TUBE1: variants seen among roughly 807,000 people sequenced by gnomAD.
TUBE1 encodes tubulin epsilon chain.
In TUBE1, 34 loss-of-function variants were observed where a neutral mutation model predicts 53.5. The observed-to-expected ratio is 0.64, with a 90% CI of 0.48 to 0.85. The LOEUF (loss-of-function observed/expected upper bound fraction) is 0.85, where lower values mean the gene tolerates loss of function less well. Among genes scored for constraint, TUBE1 ranks in the 40% least tolerant of loss-of-function variants. The pLI, the probability that TUBE1 is intolerant of heterozygous loss-of-function variation, is 0.00. For missense variants in TUBE1, 532 were observed against 570.5 expected, an observed-to-expected ratio of 0.93 and a Z score of 0.69; for synonymous variants, 177 against 198.4, an observed-to-expected ratio of 0.89 and a Z score of 0.91.
At chr6:112,073,788 T>C (rs587645099) in intron 9 of TUBE1, among the ~76,000 whole-genome samples, 23 of 152,360 alleles carry the variant, frequency 1.5e-4, no homozygotes, top group African/African-American at 5.5e-4. Context: ...CAATCTGTTT[T>C]AGAGACAGGG....
chr6:112,086,685 A>G (rs782002051), intron 2 of TUBE1, 77 bp from the exon 3 acceptor site: 8 of 943,566 alleles, frequency 8.5e-6, no homozygotes, highest in Non-Finnish European at 1.3e-5. Flanking sequence ...TTTTAATTAC[A>G]TAATACTGTA....
In TUBE1 at chr6:112,087,265, G is replaced by A. The variant is rs55683527; in HGVS notation, c.67C>T (p.Leu23=). Residue 23 remains leucine (L), a synonymous_variant, in exon 2 of 12, where the codon CTG becomes TTG. Transcript: ENST00000368662. ...ACCGCGGCGTGCTCCCTTAGTGCCA[G>A]GTCCCAGAAGCAGCAGCCGATCTGG... The part of the protein sequence containing the change: ...GNQIGCCFWD[L]ALREHAAVNQ... 35 of 1,551,792 alleles carry A rather than the reference G, an allele frequency of 2.3e-5. No homozygotes were observed. Among genetic ancestry groups the A allele is most frequent in the Admixed American group, 5.9e-5 (3 of 51,066 alleles).
At chr6:112,083,776 G>C (rs1014972345) in intron 4 of TUBE1, 2 of 158,314 alleles carry the variant, frequency 1.3e-5, no homozygotes, top group Non-Finnish European at 2.8e-5. Flanking sequence ...GAAGTACTTG[G>C]TTCAGGAGAA....
In TUBE1 at chr6:112,086,579, G is replaced by A. The variant is rs1777160771; in HGVS notation, c.129C>T (p.Ser43=). ...ACCTGGTGTCCACATTTCTAAAGAAGCTGCTTATTGCCTCATCATAAATTC... is the reference window on the plus strand; with the variant it reads ...ACCTGGTGTCCACATTTCTAAAGAAACTGCTTATTGCCTCATCATAAATTC... ...QKGIYDEAIS[S]FFRNVDTRVV... The change falls in exon 3 of 12, where the codon AGC becomes AGT. Residue 43 remains serine, a synonymous_variant. Transcript: ENST00000368662. The A allele has an allele frequency of 1.2e-6, 2 of 1,612,178 alleles. No individual in the cohort carries two copies. Among genetic ancestry groups the A allele is most frequent in the Non-Finnish European group, 1.7e-6 (2 of 1,178,500 alleles).
chr6:112,072,683 C>T (rs587626745), intron 10 of TUBE1, 75 bp downstream of exon 10: 11 of 1,476,518 alleles, frequency 7.4e-6, no homozygotes, highest in South Asian at 5.3e-5. Flanking sequence ...ATTTGAAGGG[C>T]GGCTGTTAAC....
chr6:112,074,657 GTTT>G, intron 9 of TUBE1, 50 bp downstream of exon 9: 2 of 1,340,248 alleles, frequency 1.5e-6, no homozygotes, highest in Non-Finnish European at 2.0e-6. Context: ...TCTTAAAAAT[GTTT>G]TTTAAAGTAA....
chr6:112,080,172 C>A (rs1429348864), intron 5 of TUBE1, among the ~76,000 whole-genome samples: 2 of 151,478 alleles, frequency 1.3e-5, no homozygotes, highest in Admixed American at 6.6e-5. Context: ...CACTGAAAAT[C>A]AAAAATTTAA....
At chr6:112,079,501 T>C (rs1429937613) in intron 6 of TUBE1, 132 bp downstream of exon 6, 4 of 754,870 alleles carry the variant, frequency 5.3e-6, no homozygotes, top group Non-Finnish European at 8.2e-6. Context: ...TATGTTTATA[T>C]ACTCAAACTA....
intron 4 of TUBE1, among the ~76,000 whole-genome samples, chr6:112,083,150 A>T (rs1374199311): frequency 6.6e-6 from 1 of 151,814 alleles, no homozygotes; most frequent in African/African-American, 2.4e-5. Context: ...TGTGTTAGTC[A>T]ATTATTGTAA....
intron 3 of TUBE1, 42 bp from the exon 4 acceptor site, chr6:112,084,288 T>C: frequency 6.7e-7 from 1 of 1,492,486 alleles, no homozygotes; most frequent in Non-Finnish European, 9.3e-7. Context: ...AGATCTTCCA[T>C]GGCTAATAGC....
At chr6:112,086,677 T>G (rs1454042013) in intron 2 of TUBE1, 69 bp from the exon 3 acceptor site, 1 of 1,031,670 alleles carries the variant, frequency 9.7e-7, no homozygotes, top group Non-Finnish European at 1.5e-6. Context: ...TCTTTCAATT[T>G]TAATTACATA....
intron 9 of TUBE1, 113 bp from the exon 10 acceptor site, chr6:112,073,011 C>A: frequency 1.4e-6 from 1 of 720,234 alleles, no homozygotes; most frequent in Non-Finnish European, 2.0e-6. Flanking sequence ...ATTACACTAA[C>A]AAAATATTAG....
chr6:112,071,886 G>T lies in TUBE1; in HGVS notation c.1269+16C>A. On this transcript the variant is annotated intron_variant, in intron 11 of 11. Coordinates refer to ENST00000368662, the MANE Select transcript of TUBE1 (RefSeq NM_016262.5). ...CAAAATAAACACATACAGTTACAAA[G>T]CTGTACAATAATTACCTTTTTCTTG... The T allele has an allele frequency of 6.3e-7, 1 of 1,583,164 alleles. No homozygotes were observed. The highest frequency in any genetic ancestry group is 8.6e-7 in the Non-Finnish European group (1 of 1,169,202).
chr6:112,075,480 T>C (rs1776950084), intron 8 of TUBE1: 1 of 152,874 alleles, frequency 6.5e-6, no homozygotes, highest in African/African-American at 2.4e-5. Context: ...AAGTCAATAA[T>C]TAGTAACTGT....
rs138093364 is a variant in TUBE1 at position 112,085,879 on chromosome 6, C to G, written c.152+677G>C. On this transcript the variant is annotated intron_variant, in intron 3 of 11. Coordinates refer to ENST00000368662, the MANE Select transcript of TUBE1 (RefSeq NM_016262.5). ...TTTGCAAGCCAGTGCCCTAGATAGACTCTGGAATTCACCCAGGAAGCGCGG... is the reference window on the plus strand; with the variant it reads ...TTTGCAAGCCAGTGCCCTAGATAGAGTCTGGAATTCACCCAGGAAGCGCGG... The G allele has an allele frequency of 1.4e-4, 45 of 314,346 alleles. No homozygotes were observed. In the East Asian group the frequency reaches 3.4e-3, roughly 24 times the overall value. 19.5% of individuals were successfully genotyped at this position (314,346 alleles called of 1,614,324 possible). A position where few individuals can be genotyped will look rare whatever the true frequency, so the allele number is the denominator to read the frequency against.
In TUBE1 at chr6:112,087,441, G is replaced by A; in HGVS notation, c.-7C>T. On this transcript the variant is annotated 5_prime_UTR_variant, in exon 1 of 12. Transcript: ENST00000368662. ...CGACCACCGACTGGGTCATGGTGGT[G>A]CGCCGCCGGCTCCGGGAGCTTGCTA... is the stretch of plus-strand genomic sequence containing the variant. 2.6e-6 allele frequency: 4 copies of A among 1,550,036 alleles called. No individual in the cohort carries two copies. Among genetic ancestry groups the A allele is most frequent in the Non-Finnish European group, 3.5e-6 (4 of 1,146,102 alleles).
intron 6 of TUBE1, 90 bp downstream of exon 6, chr6:112,079,543 G>T: frequency 7.6e-7 from 1 of 1,322,616 alleles, no homozygotes; most frequent in Non-Finnish European, 1.1e-6. Context: ...TCTTTATCAA[G>T]CACAGGTCTA....
intron 3 of TUBE1, 72 bp from the exon 4 acceptor site, chr6:112,084,318 A>G: frequency 8.0e-7 from 1 of 1,254,060 alleles, no homozygotes; most frequent in South Asian, 1.2e-5. Flanking sequence ...TGATAAAGTT[A>G]ACTTCCATTT....
Position 112,079,595 on chromosome 6 carries a change from T to C in TUBE1, c.448+38A>G, listed in dbSNP as rs782739824. 6.2e-6 allele frequency: 10 copies of C among 1,604,554 alleles called. No homozygotes were observed. The South Asian group carries it at 1.1e-4, about 18-fold the overall frequency. On this transcript the variant is annotated intron_variant, in intron 6 of 11. Transcript: ENST00000368662. ...TTGCAAAATGAATTCCCACTTATCC[T>C]TTAACACTGTTACAGGCAAATGAGT...
Sources: gnomAD v4.1 joint callset for allele counts (sites outside exome capture counted in the v4.1 genomes callset) on GRCh38, gnomAD v4.1.1 for gene constraint, MANE v1.5 for transcripts, NCBI Gene and HGNC (gene_info 2026-07-23, HGNC 2026-07-21) for gene names.